The following CDH4 variants were observed in gnomAD, a reference collection of about 807,000 sequenced individuals.
CDH4 encodes the protein cadherin 4.
Under a neutral mutation model 86.0 loss-of-function variants are expected in CDH4, and 33 were observed. That is an observed-to-expected ratio of 0.38 (90% CI 0.29 to 0.51). The LOEUF is 0.51. Ranked by LOEUF, CDH4 falls within the 20% of genes least tolerant of loss-of-function variation. The probability of loss-of-function intolerance (pLI) is 0.86; values close to 1 mark genes in which losing one functional copy is unlikely to be tolerated. For missense variants in CDH4, 1,114 were observed against 1,307.4 expected (o/e 0.85, Z 2.28); for synonymous variants, 555 against 549.4 (o/e 1.01, Z -0.14).
chr20:61,463,048 C>T (rs2085452874), intron 2 of CDH4, among the ~76,000 whole-genome samples: 1 of 152,160 alleles, frequency 6.6e-6, no homozygotes, highest in Admixed American at 6.5e-5. Flanking sequence ...GTTCTCATGG[C>T]AGTGAATAAG....
In CDH4 at chr20:61,627,395, C is replaced by T. The variant is rs558210118; in HGVS notation, c.170-116168C>T. ...TGGCACAGTGAATGCTCAAGACGTT[C>T]TCCGCTCATTGGCTGGGGTGGGGAC... On this transcript the variant is annotated intron_variant, in intron 2 of 15. Transcript: ENST00000614565. Among the ~76,000 whole-genome samples, 38 of 152,292 alleles carry T rather than the reference C, an allele frequency of 2.5e-4. 1 individual carries two copies. Among genetic ancestry groups the T allele is most frequent in the African/African-American group, 8.7e-4 (36 of 41,572 alleles).
At chr20:61,342,947 A>C (rs1418510273) in intron 2 of CDH4, among the ~76,000 whole-genome samples, 10 of 152,288 alleles carry the variant, frequency 6.6e-5, no homozygotes, top group Non-Finnish European at 1.3e-4. Context: ...AACAAAAAGT[A>C]ACATGAGCAA....
In CDH4 at chr20:61,517,486, T is replaced by C. The variant is rs992104663; in HGVS notation, c.170-226077T>C. 2.0e-5 allele frequency among the ~76,000 whole-genome samples: 3 copies of C among 152,222 alleles called. No homozygotes were observed. The highest frequency in any genetic ancestry group is 2.9e-5 in the Non-Finnish European group (2 of 68,040). ...CTGGGATTGCAGGTATGAGCCACCA[T>C]GCCTGGCCTATAGACTTTTGTGTCT... On this transcript the variant is annotated intron_variant, in intron 2 of 15. Transcript: ENST00000614565. The surrounding 1 kb of genome is among the most constrained non-coding windows in gnomAD (Gnocchi z 6.6).
chr20:61,896,192 G>T (rs1180619609), intron 8 of CDH4, among the ~76,000 whole-genome samples: 1 of 152,218 alleles, frequency 6.6e-6, no homozygotes, highest in Non-Finnish European at 1.5e-5. Context: ...TGCAGAGCTA[G>T]CCTCTGATCC....
At chr20:61,756,164 C>T (rs1009433957) in intron 3 of CDH4, among the ~76,000 whole-genome samples, 4 of 152,200 alleles carry the variant, frequency 2.6e-5, no homozygotes, top group African/African-American at 9.6e-5. Context: ...AGCGTGAACG[C>T]ACCCCCTGGG....
intron 7 of CDH4, among the ~76,000 whole-genome samples, chr20:61,880,800 G>A (rs1209831694): frequency 6.6e-6 from 1 of 152,224 alleles, no homozygotes; most frequent in African/African-American, 2.4e-5. Context: ...TGGGCCACAC[G>A]TGAGCTGGCG....
intron 2 of CDH4, among the ~76,000 whole-genome samples, chr20:61,666,527 TG>T (rs1402567978): frequency 6.6e-6 from 1 of 152,166 alleles, no homozygotes; most frequent in Admixed American, 6.5e-5. Flanking sequence ...GATGATGGCA[TG>T]GCTGATGCTG....
chr20:61,757,833 C>G (rs2088584125), intron 3 of CDH4, among the ~76,000 whole-genome samples: 1 of 152,180 alleles, frequency 6.6e-6, no homozygotes, highest in Non-Finnish European at 1.5e-5. Flanking sequence ...ACCTCCTACC[C>G]CAGAGGCATG....
chr20:61,324,293 C>G lies in CDH4; in HGVS notation c.169+69356C>G, dbSNP rs904767764. ...TTGAATATTAAATTGAAACTGATTG[C>G]ATTAGTGTCCTGGGGCTGCCACAAC... On this transcript the variant is annotated intron_variant, in intron 2 of 15. Transcript: ENST00000614565. Among the ~76,000 whole-genome samples the G allele has an allele frequency of 5.9e-5, 9 of 152,270 alleles. No individual in the cohort carries two copies. The South Asian group carries it at 1.9e-3, about 32-fold the overall frequency.
At chr20:61,429,704 T>C (rs1329515050) in intron 2 of CDH4, among the ~76,000 whole-genome samples, 1 of 150,526 alleles carries the variant, frequency 6.6e-6, no homozygotes, top group Non-Finnish European at 1.5e-5. Flanking sequence ...GATGGATGGG[T>C]GGATAGATGG....
intron 2 of CDH4, among the ~76,000 whole-genome samples, chr20:61,724,598 C>T (rs6121462): frequency 1.3e-5 from 2 of 151,634 alleles, no homozygotes; most frequent in African/African-American, 4.8e-5. Context: ...CTCCTGCTGC[C>T]CCTTCGCCCC....
intron 2 of CDH4, among the ~76,000 whole-genome samples, chr20:61,287,672 A>G (rs2084300579): frequency 6.6e-6 from 1 of 152,114 alleles, no homozygotes; most frequent in Non-Finnish European, 1.5e-5. Flanking sequence ...TGCTTACCCC[A>G]TGTGGCCCTG....
At chr20:61,802,077 G>C (rs1049013104) in intron 4 of CDH4, among the ~76,000 whole-genome samples, 4 of 152,168 alleles carry the variant, frequency 2.6e-5, no homozygotes, top group Non-Finnish European at 5.9e-5. Context: ...CCCTTTGTCC[G>C]GCAATGTCCT....
In CDH4 at chr20:61,283,477, TG is replaced by T. The variant is rs1377617738; in HGVS notation, c.169+28542del. Among the ~76,000 whole-genome samples the T allele has an allele frequency of 4.3e-4, 42 of 98,046 alleles. 2 individuals carry two copies. Among genetic ancestry groups the T allele is most frequent in the African/African-American group, 1.5e-3 (38 of 26,004 alleles). The allele number at this position is 98,046 out of a possible 152,430, so 64.3% of individuals were successfully genotyped here. A position where few individuals can be genotyped will look rare whatever the true frequency, so the allele number is the denominator to read the frequency against. ...TGTGTGCGTTTGCACGCGTGTGCTG[TG>T]GTGTGTGATGTAGGTGCATTTGCAC... On this transcript the variant is annotated intron_variant, in intron 2 of 15. Transcript: ENST00000614565.
intron 2 of CDH4, among the ~76,000 whole-genome samples, chr20:61,632,762 C>T: frequency 6.7e-6 from 1 of 149,926 alleles, no homozygotes; most frequent in Non-Finnish European, 1.5e-5. Flanking sequence ...CCATCCATCC[C>T]TCTACTCACC....
intron 7 of CDH4, among the ~76,000 whole-genome samples, chr20:61,876,762 T>G (rs899439077): frequency 1.3e-5 from 2 of 152,148 alleles, no homozygotes; most frequent in Non-Finnish European, 2.9e-5. Context: ...TTCAGGACCA[T>G]CTGGTCTCCT....
At chr20:61,384,936 A>G (rs1327653586) in intron 2 of CDH4, among the ~76,000 whole-genome samples, 1 of 152,204 alleles carries the variant, frequency 6.6e-6, no homozygotes, top group East Asian at 1.9e-4. Flanking sequence ...GTTCTAGCTC[A>G]TAGTGTAATC....
At chr20:61,264,551 T>C (rs1600815839) in intron 2 of CDH4, among the ~76,000 whole-genome samples, 2 of 134,268 alleles carry the variant, frequency 1.5e-5, no homozygotes, top group Non-Finnish European at 1.5e-5. Flanking sequence ...TCATTCAATC[T>C]TATACATACC....
intron 4 of CDH4, among the ~76,000 whole-genome samples, chr20:61,835,903 A>G (rs1393399617): frequency 6.6e-6 from 1 of 152,184 alleles, no homozygotes; most frequent in Non-Finnish European, 1.5e-5. Context: ...AGGTCAGGCA[A>G]AGGCTTCAGC....
Sources: gnomAD v4.1 joint callset for allele counts (sites outside exome capture counted in the v4.1 genomes callset) on GRCh38, gnomAD v4.1.1 for gene constraint, Gnocchi (gnomAD v3.1) non-coding constraint, MANE v1.5 for transcripts, NCBI Gene and HGNC (gene_info 2026-07-23, HGNC 2026-07-21) for gene names.